ZCCHC2: variants seen among roughly 807,000 people sequenced by gnomAD.
The protein encoded by ZCCHC2 is zinc finger CCHC-type containing 2, also known as zinc finger CCHC domain-containing protein 2.
A neutral mutation model predicts 103.6 loss-of-function variants in ZCCHC2; 39 were observed. That is an observed-to-expected ratio of 0.38 (90% CI 0.29 to 0.49). ZCCHC2 has a LOEUF of 0.49. Among genes scored for constraint, ZCCHC2 ranks in the 20% least tolerant of loss-of-function variants. ZCCHC2 has a pLI of 0.96. For synonymous variants in ZCCHC2, 687 were observed against 608.9 expected, an observed-to-expected ratio of 1.13 and a Z score of -1.89; for missense variants, 1,483 against 1,491.0, an observed-to-expected ratio of 0.99 and a Z score of 0.09.
chr18:62,541,024 C>A (rs1046667536), intron 2 of ZCCHC2, among the ~76,000 whole-genome samples: 1 of 152,124 alleles, frequency 6.6e-6, no homozygotes, highest in Non-Finnish European at 1.5e-5. Flanking sequence ...CTTGAGGGGA[C>A]CAATGATTTG....
intron 1 of ZCCHC2, chr18:62,526,864 C>T (rs886306186): frequency 6.6e-6 from 1 of 151,932 alleles, no homozygotes; most frequent in Non-Finnish European, 1.5e-5. Context: ...GCCCCCGGCG[C>T]CCTTTTGGCC....
At chr18:62,541,779 G>T (rs562979904) in intron 2 of ZCCHC2, among the ~76,000 whole-genome samples, 2 of 152,078 alleles carry the variant, frequency 1.3e-5, no homozygotes, top group African/African-American at 4.8e-5. Context: ...TTTATTAAAG[G>T]TGTCGTAAAA....
chr18:62,553,861 A>G (rs1331205152), intron 5 of ZCCHC2, among the ~76,000 whole-genome samples: 1 of 152,116 alleles, frequency 6.6e-6, no homozygotes, highest in Admixed American at 6.5e-5. Context: ...TGATTGGAAG[A>G]GTTACTTGTT....
chr18:62,527,170 A>G (rs1446340235), intron 1 of ZCCHC2, among the ~76,000 whole-genome samples: 1 of 151,914 alleles, frequency 6.6e-6, no homozygotes, highest in Non-Finnish European at 1.5e-5. Context: ...CATCTTTTTA[A>G]TTCTCTTTTC....
In ZCCHC2 at chr18:62,576,690, T is replaced by C; in HGVS notation, c.*111T>C. Reference sequence around the variant, plus strand: ...TTTGTCTATACATTTCCTAGATTTCTATGCAGTTGGGATTTTTCATTTCTC... The same window carrying C: ...TTTGTCTATACATTTCCTAGATTTCCATGCAGTTGGGATTTTTCATTTCTC... On this transcript the variant is annotated 3_prime_UTR_variant, in exon 14 of 14. Transcript: ENST00000269499. 1.9e-6 allele frequency: 2 copies of C among 1,049,952 alleles called. No individual in the cohort carries two copies. Among genetic ancestry groups the C allele is most frequent in the Non-Finnish European group, 2.8e-6 (2 of 717,902 alleles). 65.0% of individuals were successfully genotyped at this position (1,049,952 alleles called of 1,614,324 possible).
Position 62,524,011 on chromosome 18 carries a change from C to G in ZCCHC2, c.587C>G (p.Pro196Arg). 1 of 1,481,646 alleles carries G rather than the reference C, an allele frequency of 6.7e-7. No homozygotes were observed. The highest frequency in any genetic ancestry group is 1.5e-5 in the African/African-American group (1 of 68,882). The allele number at this position is 1,481,646 out of a possible 1,614,324, so 91.8% of individuals were successfully genotyped here. A position where few individuals can be genotyped will look rare whatever the true frequency, so the allele number is the denominator to read the frequency against. The change falls in exon 1 of 14, where the codon CCC becomes CGC. Residue 196 changes from proline to arginine, a missense_variant. Pro to Arg is a moderately radical substitution (Grantham distance 103). This residue lies in a region of ZCCHC2 where 568 missense variants were observed against 525.1 expected (regional missense o/e 1.08). Coordinates refer to ENST00000269499, the MANE Select transcript of ZCCHC2 (RefSeq NM_017742.6). ...EAAGRLHRLL[P>R]QVDSVLKSLR... is the part of the protein sequence containing the mutation. The stretch of plus-strand genomic sequence containing the variant: ...GCTGGCCGTCTGCACCGCCTGCTAC[C>G]CCAGGTGGACTCGGTGCTCAAAAGC...
chr18:62,544,999 A>G, intron 4 of ZCCHC2, 126 bp downstream of exon 4: 2 of 700,510 alleles, frequency 2.9e-6, no homozygotes, highest in Non-Finnish European at 4.5e-6. Flanking sequence ...ACTCTAAATG[A>G]ACATTAGCTG....
At chr18:62,582,743 A>C (rs1814139525), downstream of ZCCHC2, among the ~76,000 whole-genome samples, 1 of 152,112 alleles carries the variant, frequency 6.6e-6, no homozygotes, top group Non-Finnish European at 1.5e-5. Flanking sequence ...ATGAAATAGC[A>C]CTGAGAAGCC....
intron 1 of ZCCHC2, chr18:62,526,996 G>A (rs1246855709): frequency 7.7e-6 from 1 of 129,558 alleles, no homozygotes; most frequent in Non-Finnish European, 1.6e-5. Context: ...AGGGAAATTC[G>A]TGTGGCAGCA....
intron 1 of ZCCHC2, among the ~76,000 whole-genome samples, chr18:62,529,159 CAAAAAA>C (rs67299838): frequency 7.4e-5 from 5 of 67,550 alleles, no homozygotes; most frequent in African/African-American, 1.1e-4. Context: ...GACAACGTCT[CAAAAAA>C]AAAAAAAAAA....
At chr18:62,558,058 C>G (rs1915968002) in intron 6 of ZCCHC2, among the ~76,000 whole-genome samples, 1 of 150,264 alleles carries the variant, frequency 6.7e-6, no homozygotes, top group Admixed American at 6.6e-5. Flanking sequence ...TTTTTATTCT[C>G]TGGTACAGAG....
chr18:62,558,384 A>AG (rs1009793070), intron 6 of ZCCHC2, among the ~76,000 whole-genome samples: 1 of 152,226 alleles, frequency 6.6e-6, no homozygotes, highest in African/African-American at 2.4e-5. Flanking sequence ...ACCACACCAC[A>AG]GATGTTTAAG....
At chr18:62,538,733 T>TA (rs549041355) in intron 1 of ZCCHC2, among the ~76,000 whole-genome samples, 226 of 152,338 alleles carry the variant, frequency 1.5e-3, no homozygotes, top group Admixed American at 5.2e-3. Context: ...AATTCATACT[T>TA]ACTGTCGGGT....
chr18:62,562,992 A>G lies in ZCCHC2; in HGVS notation c.1551-17A>G, dbSNP rs780564981. ...TGAGGGCAGATTTTCACACTTTCAT[A>G]AACTTTTCTTTGGTAGCAATATTGG... On this transcript the variant is annotated splice_polypyrimidine_tract_variant and intron_variant, in intron 8 of 13. Transcript: ENST00000269499. 35 of 1,598,364 alleles carry G rather than the reference A, an allele frequency of 2.2e-5. No individual in the cohort carries two copies. Among genetic ancestry groups the G allele is most frequent in the Middle Eastern group, 1.7e-4 (1 of 6,018 alleles).
Position 62,564,638 on chromosome 18 carries a change from A to C in ZCCHC2, c.1751+3A>C. 6.5e-7 allele frequency: 1 copy of C among 1,540,534 alleles called. No individual in the cohort carries two copies. Among genetic ancestry groups the C allele is most frequent in the Non-Finnish European group, 8.8e-7 (1 of 1,140,316 alleles). On this transcript the variant is annotated splice_donor_region_variant and intron_variant, in intron 10 of 13. Coordinates refer to ENST00000269499, the MANE Select transcript of ZCCHC2 (RefSeq NM_017742.6). ...AAAGGAAAGCCACAAACAGAAAAGT[A>C]GGTTCAATTTAAGGAAAGACAGCAT...
intron 8 of ZCCHC2, among the ~76,000 whole-genome samples, chr18:62,562,351 A>G (rs770587538): frequency 7.2e-5 from 11 of 151,892 alleles, no homozygotes; most frequent in Non-Finnish European, 2.9e-5. Flanking sequence ...TTTCAGTCTC[A>G]GTGCTTTAAT....
In ZCCHC2 at chr18:62,542,478, G is replaced by A. The variant is rs533237607; in HGVS notation, c.1052-20G>A. 2.4e-5 allele frequency: 37 copies of A among 1,548,660 alleles called. 1 individual carries two copies. In the Middle Eastern group the frequency reaches 6.7e-4, roughly 28 times the overall value. On this transcript the variant is annotated intron_variant, in intron 2 of 13. Transcript: ENST00000269499. The stretch of plus-strand genomic sequence containing the variant: ...TATAGTCTTTGTAGCACAAGTCACC[G>A]TGTGTTTTTTTTCTTTCAGCTGTAC...
chr18:62,523,621 G>T lies in ZCCHC2; in HGVS notation c.197G>T (p.Gly66Val), dbSNP rs1042426409. ...CTGCCGCCGCCGCCGCCGCCCCGGG[G>T]ACTCGGGCCGCCTGTTGCTGGTGGA... ...GPLPPPPPPRGLGPPVAGGAA... is the reference protein window; with the variant it reads ...GPLPPPPPPRVLGPPVAGGAA... Residue 66 changes from glycine to valine, a missense_variant, in exon 1 of 14, where the codon GGA becomes GTA. This residue lies in a region of ZCCHC2 where 568 missense variants were observed against 525.1 expected (regional missense o/e 1.08). Coordinates refer to ENST00000269499, the MANE Select transcript of ZCCHC2 (RefSeq NM_017742.6). 4 of 1,204,626 alleles carry T rather than the reference G, an allele frequency of 3.3e-6. No homozygotes were observed. The South Asian group carries it at 1.6e-4, about 48-fold the overall frequency. 74.6% of individuals were successfully genotyped at this position (1,204,626 alleles called of 1,614,324 possible).
intron 1 of ZCCHC2, among the ~76,000 whole-genome samples, chr18:62,534,102 C>T (rs2145489956): frequency 6.6e-6 from 1 of 151,802 alleles, no homozygotes; most frequent in Non-Finnish European, 1.5e-5. Flanking sequence ...TTTAATATAC[C>T]TTCCAAATCA....
Sources: allele counts gnomAD v4.1 joint callset (sites outside exome capture counted in the v4.1 genomes callset), GRCh38; gene constraint gnomAD v4.1.1; regional missense constraint gnomAD v4.1.1; transcripts MANE v1.5; gene names NCBI Gene and HGNC (gene_info 2026-07-23, HGNC 2026-07-21).